Variants in PDE4C observed in about 807,000 individuals in gnomAD.
PDE4C encodes the protein 3',5'-cyclic-AMP phosphodiesterase 4C.
PDE4C carries 50 observed loss-of-function variants against 63.9 expected under a neutral mutation model. The observed-to-expected ratio is 0.78, with a 90% CI of 0.62 to 0.99. The LOEUF is 0.99. PDE4C is among the 50% of genes least tolerant of loss of function. The pLI is 0.00. For synonymous variants in PDE4C, 377 were observed against 385.1 expected (o/e 0.98, Z 0.25); for missense variants, 777 against 899.1 (o/e 0.86, Z 1.74).
exon 1 of PDE4C, chr19:18,233,195 C>A: frequency 6.4e-7 from 1 of 1,557,954 alleles, no homozygotes; most frequent in African/African-American, 1.4e-5. Context: ...TCTCCATGCG[C>A]CAGAGAAAGG....
At chr19:18,246,681 A>C (rs1249239592) in intron 1 of PDE4C, among the ~76,000 whole-genome samples, 1 of 152,056 alleles carries the variant, frequency 6.6e-6, no homozygotes, top group African/African-American at 2.4e-5. Flanking sequence ...TAATCCCAGC[A>C]CTTTGGGAGG....
rs77152816 is a variant in PDE4C at position 18,232,698 on chromosome 19, GCA to G, written c.242+250_242+251del. ...TCACCCCAGTCTCACGCGCGCGCGC[GCA>G]CACACACACACACTCTTTCAGTCCC... On this transcript the variant is annotated intron_variant, in intron 1 of 14. Coordinates refer to the PDE4C transcript ENST00000594465. Among the ~76,000 whole-genome samples, 53 of 150,792 alleles carry G rather than the reference GCA, an allele frequency of 3.5e-4. 1 individual carries two copies. Among genetic ancestry groups the G allele is most frequent in the African/African-American group, 8.8e-4 (36 of 41,068 alleles).
At chr19:18,224,571 G>T (rs1194626512) in intron 1 of PDE4C, 31 of 941,570 alleles carry the variant, frequency 3.3e-5, no homozygotes, top group Non-Finnish European at 3.8e-5. Flanking sequence ...GGAGACTTCG[G>T]ATAAGTTCGA....
chr19:18,224,230 G>C (rs1276466842), intron 1 of PDE4C: 1 of 985,428 alleles, frequency 1.0e-6, no homozygotes, highest in Non-Finnish European at 1.2e-6. Context: ...AGAGAAGGCG[G>C]TGACCTGGGG....
intron 1 of PDE4C, among the ~76,000 whole-genome samples, chr19:18,244,379 C>T (rs1386532295): frequency 1.3e-5 from 2 of 151,908 alleles, no homozygotes; most frequent in Non-Finnish European, 2.9e-5. Flanking sequence ...ACTGCAGCCT[C>T]GGCCCCCTGG....
chr19:18,215,521 T>C (rs1968150563), intron 12 of PDE4C, among the ~76,000 whole-genome samples: 1 of 151,354 alleles, frequency 6.6e-6, no homozygotes, highest in African/African-American at 2.4e-5. Context: ...TAGATGTGTA[T>C]AATTTTTTTT....
chr19:18,237,342 G>A (rs532015246), upstream of PDE4C, among the ~76,000 whole-genome samples: 12 of 151,924 alleles, frequency 7.9e-5, no homozygotes, highest in South Asian at 2.3e-3. Flanking sequence ...ACCTGAGGTC[G>A]GGAGTTTGAG....
At position 18,211,285 on chromosome 19, in the gene PDE4C, G is replaced by A. The variant is rs12611244; in HGVS notation, c.1696-9C>T. ...TAGTCAATGAAACCCACCTGTGGCG[G>A]GGGGTGGGGCATGTCGGCATTTGGT... On this transcript the variant is annotated splice_polypyrimidine_tract_variant and intron_variant, in intron 14 of 14. Coordinates refer to ENST00000262805, the Ensembl canonical transcript of PDE4C. 0.67 allele frequency: 1,047,399 copies of A among 1,555,078 alleles called. 357,471 individuals are homozygous for A. Among genetic ancestry groups the A allele is most frequent in the Non-Finnish European group, 0.7 (797,396 of 1,145,636 alleles).
At chr19:18,249,120 G>A (rs1041781936), upstream of PDE4C, among the ~76,000 whole-genome samples, 2 of 151,904 alleles carry the variant, frequency 1.3e-5, no homozygotes, top group African/African-American at 2.4e-5. Flanking sequence ...AGGTGACAGA[G>A]GGAGACTGTC....
At chr19:18,211,962 G>A (rs1967971745) in intron 13 of PDE4C, 21 bp from the exon 14 acceptor site, 2 of 1,608,328 alleles carry the variant, frequency 1.2e-6, no homozygotes, top group South Asian at 2.2e-5. Flanking sequence ...CGAGGCTTGG[G>A]AGGGCACTGG....
chr19:18,252,088 G>A (rs1969236741), upstream of PDE4C: 1 of 398,926 alleles, frequency 2.5e-6, no homozygotes, highest in African/African-American at 2.1e-5. Flanking sequence ...TCCAAGGTCT[G>A]GTCAGTGGAG....
upstream of PDE4C, chr19:18,251,982 C>T (rs1969235574): frequency 7.5e-6 from 3 of 398,052 alleles, no homozygotes; most frequent in Admixed American, 8.8e-5. Context: ...GGGGCTGTAC[C>T]TCCCCCTGGT....
At chr19:18,212,210 G>A (rs1194947956) in intron 13 of PDE4C, among the ~76,000 whole-genome samples, 2 of 151,320 alleles carry the variant, frequency 1.3e-5, no homozygotes, top group Non-Finnish European at 2.9e-5. Flanking sequence ...ATGAGTTAGG[G>A]TCTCACGCTG....
At chr19:18,233,515 T>G in exon 1 of PDE4C, 2 of 599,230 alleles carry the variant, frequency 3.3e-6, no homozygotes, top group Middle Eastern at 2.6e-4. Context: ...CCTATAGCGC[T>G]GCATGGAAAA....
the PDE4C span, among the ~76,000 whole-genome samples, chr19:18,253,366 T>C: frequency 1.3e-5 from 2 of 151,814 alleles, no homozygotes; most frequent in Non-Finnish European, 1.5e-5. Flanking sequence ...CTGGGAGACA[T>C]AATGAGACCT....
At chr19:18,218,425 T>C in exon 10 of PDE4C, 3 of 1,614,234 alleles carry the variant, frequency 1.9e-6, no homozygotes, top group Non-Finnish European at 2.5e-6. Context: ...GGCGTGGTAG[T>C]GACCTTCCAG....
At chr19:18,222,632 CTTTT>C (rs369848710) in intron 1 of PDE4C, among the ~76,000 whole-genome samples, 5 of 126,652 alleles carry the variant, frequency 3.9e-5, no homozygotes, top group Non-Finnish European at 6.6e-5. Flanking sequence ...TTCTCTCTTT[CTTTT>C]TTTTTTTTCT....
chr19:18,217,884 A>G (rs1968270114), intron 11 of PDE4C, among the ~76,000 whole-genome samples: 1 of 152,144 alleles, frequency 6.6e-6, no homozygotes, highest in African/African-American at 2.4e-5. Flanking sequence ...GTGACAGAGC[A>G]AGACACTGTC....
At chr19:18,243,683 G>T (rs951262437) in intron 1 of PDE4C, among the ~76,000 whole-genome samples, 1 of 152,122 alleles carries the variant, frequency 6.6e-6, no homozygotes, top group Admixed American at 6.6e-5. Flanking sequence ...TCTGGCTGTT[G>T]GTCAGATGCG....
Sources: allele counts gnomAD v4.1 joint callset (sites outside exome capture counted in the v4.1 genomes callset), GRCh38; gene constraint gnomAD v4.1.1; transcripts MANE v1.5; gene names NCBI Gene and HGNC (gene_info 2026-07-23, HGNC 2026-07-21).